ZFAT: variants seen among roughly 807,000 people sequenced by gnomAD.
ZFAT encodes the protein zinc finger and AT-hook domain containing.
A neutral mutation model predicts 117.7 loss-of-function variants in ZFAT; 64 were observed. The observed-to-expected ratio is 0.54, with a 90% CI of 0.44 to 0.67. The LOEUF (loss-of-function observed/expected upper bound fraction) is 0.67. Ranked by LOEUF, ZFAT falls within the 30% of genes least tolerant of loss-of-function variation. The pLI is 0.00. For missense variants in ZFAT, 1,433 were observed against 1,584.5 expected, an observed-to-expected ratio of 0.90 and a Z score of 1.62; for synonymous variants, 679 against 615.0, an observed-to-expected ratio of 1.10 and a Z score of -1.54.
intron 3 of ZFAT, among the ~76,000 whole-genome samples, chr8:134,633,133 C>T (rs1379027643): frequency 3.3e-5 from 5 of 152,004 alleles, no homozygotes; most frequent in African/African-American, 9.7e-5. Context: ...AAAAGCAATG[C>T]TACAAAGGAA....
At chr8:134,765,846 G>A in the ZFAT span, 1 of 152,134 alleles carries the variant, frequency 6.6e-6, no homozygotes, top group Admixed American at 6.6e-5. Flanking sequence ...AACCACAGGT[G>A]CTGTTGCTTA....
intron 1 of ZFAT, among the ~76,000 whole-genome samples, chr8:134,668,141 C>G (rs867863949): frequency 6.6e-6 from 1 of 152,338 alleles, no homozygotes; most frequent in Middle Eastern, 3.4e-3. Context: ...CACCACAGCT[C>G]AAGGAGGCCT....
At chr8:134,577,958 C>T (rs1444383655) in intron 10 of ZFAT, among the ~76,000 whole-genome samples, 1 of 152,026 alleles carries the variant, frequency 6.6e-6, no homozygotes, top group Non-Finnish European at 1.5e-5. Context: ...ACCTTCCATA[C>T]GTGAGCACCT....
chr8:134,798,625 A>T, the ZFAT span, among the ~76,000 whole-genome samples: 1 of 152,138 alleles, frequency 6.6e-6, no homozygotes, highest in Non-Finnish European at 1.5e-5. Context: ...GCTTCTTCTA[A>T]GAGACAAAGT....
the ZFAT span, among the ~76,000 whole-genome samples, chr8:134,735,060 G>A: frequency 6.6e-6 from 1 of 152,152 alleles, no homozygotes; most frequent in Non-Finnish European, 1.5e-5. Context: ...ATTTATTAGG[G>A]TAGGCTGTCC....
intron 3 of ZFAT, among the ~76,000 whole-genome samples, chr8:134,618,657 C>T (rs1828905256): frequency 1.3e-5 from 2 of 152,200 alleles, no homozygotes; most frequent in African/African-American, 2.4e-5. Flanking sequence ...ATAAAATATT[C>T]TCTTTATGAG....
chr8:134,827,388 C>G, the ZFAT span, among the ~76,000 whole-genome samples: 1 of 152,172 alleles, frequency 6.6e-6, no homozygotes, highest in South Asian at 2.1e-4. Context: ...GCCTACAGTT[C>G]TGCAGATCAC....
At chr8:134,577,998 A>G (rs930653414) in intron 10 of ZFAT, among the ~76,000 whole-genome samples, 7 of 152,104 alleles carry the variant, frequency 4.6e-5, no homozygotes, top group African/African-American at 1.2e-4. Context: ...TGACTCGTCA[A>G]TAAAGACCTC....
At chr8:134,629,245 A>T (rs1563697066) in intron 3 of ZFAT, among the ~76,000 whole-genome samples, 1 of 152,194 alleles carries the variant, frequency 6.6e-6, no homozygotes, top group Non-Finnish European at 1.5e-5. Flanking sequence ...GATTGAACAC[A>T]CTGCATAACT....
chr8:134,536,585 G>A (rs1179574905), intron 11 of ZFAT, among the ~76,000 whole-genome samples: 1 of 152,152 alleles, frequency 6.6e-6, no homozygotes, highest in East Asian at 1.9e-4. Context: ...GGCCAGCAGG[G>A]AATTCTCCTG....
the ZFAT span, among the ~76,000 whole-genome samples, chr8:134,730,526 T>C: frequency 6.6e-6 from 1 of 152,210 alleles, no homozygotes; most frequent in African/African-American, 2.4e-5. Flanking sequence ...TCAGGAACAA[T>C]TTGTTAGAGG....
At chr8:134,539,135 A>G (rs1298898899) in intron 11 of ZFAT, among the ~76,000 whole-genome samples, 1 of 152,208 alleles carries the variant, frequency 6.6e-6, no homozygotes, top group African/African-American at 2.4e-5. Context: ...GAAGACATCT[A>G]AAAACCTCTA....
chr8:134,638,549 C>CAAAAAAAAAA lies in ZFAT; in HGVS notation c.197-847_197-838dup, dbSNP rs758050176. On this transcript the variant is annotated intron_variant, in intron 2 of 15. Transcript: ENST00000377838. ...TGAAACTCTGTCTCTACTAAAAATA[C>CAAAAAAAAAA]AAAAAAAAAACAAAACAAAAAAAAA... is the stretch of plus-strand genomic sequence containing the variant. Among the ~76,000 whole-genome samples the CAAAAAAAAAA allele has an allele frequency of 1.9e-3, 194 of 101,046 alleles. 13 individuals are homozygous for CAAAAAAAAAA. Among genetic ancestry groups the CAAAAAAAAAA allele is most frequent in the African/African-American group, 4.7e-3 (127 of 26,818 alleles). 66.3% of individuals were successfully genotyped at this position (101,046 alleles called of 152,430 possible).
the ZFAT span, among the ~76,000 whole-genome samples, chr8:134,831,344 C>T: frequency 1.3e-5 from 2 of 152,128 alleles, no homozygotes; most frequent in Non-Finnish European, 1.5e-5. Context: ...CAAGCAGTTC[C>T]CTCTCTCCCA....
At chr8:134,537,804 A>T (rs1311574328) in intron 11 of ZFAT, among the ~76,000 whole-genome samples, 1 of 152,224 alleles carries the variant, frequency 6.6e-6, no homozygotes, top group Non-Finnish European at 1.5e-5. Flanking sequence ...GGAAAAGAAG[A>T]GAACATTTAA....
At chr8:134,822,749 C>T in the ZFAT span, among the ~76,000 whole-genome samples, 1 of 152,028 alleles carries the variant, frequency 6.6e-6, no homozygotes, top group Non-Finnish European at 1.5e-5. Flanking sequence ...ACTACATGTG[C>T]ATATTTTCAC....
At chr8:134,539,249 T>C (rs1038952238) in intron 11 of ZFAT, among the ~76,000 whole-genome samples, 1 of 152,208 alleles carries the variant, frequency 6.6e-6, no homozygotes, top group Non-Finnish European at 1.5e-5. Context: ...TTCAAGGTCA[T>C]GACATTGGCA....
chr8:134,789,024 A>G, the ZFAT span, among the ~76,000 whole-genome samples: 1 of 152,158 alleles, frequency 6.6e-6, no homozygotes, highest in Admixed American at 6.5e-5. Context: ...TTTTAAACTT[A>G]ATTCAACTAA....
At chr8:134,642,114 G>C (rs1830621019) in intron 2 of ZFAT, among the ~76,000 whole-genome samples, 1 of 152,192 alleles carries the variant, frequency 6.6e-6, no homozygotes. Context: ...AATGGGAGAA[G>C]AAACAAGGGA....
Sources: gnomAD v4.1 joint callset for allele counts (sites outside exome capture counted in the v4.1 genomes callset) on GRCh38, gnomAD v4.1.1 for gene constraint, MANE v1.5 for transcripts, NCBI Gene and HGNC (gene_info 2026-07-23, HGNC 2026-07-21) for gene names.